ZMYM2: variants seen among roughly 807,000 people sequenced by gnomAD.
ZMYM2 encodes zinc finger MYM-type containing 2.
Under a neutral mutation model 162.8 loss-of-function variants are expected in ZMYM2, and 56 were observed. The ratio of observed to expected loss-of-function variants is 0.34; its 90% CI spans 0.28 to 0.43. ZMYM2 has a LOEUF of 0.43. Ranked by LOEUF, ZMYM2 falls within the 20% of genes least tolerant of loss-of-function variation. ZMYM2 has a pLI of 1.00. For synonymous variants in ZMYM2, 510 were observed against 541.6 expected (o/e 0.94, Z 0.81); for missense variants, 1,275 against 1,621.8 (o/e 0.79, Z 3.67).
intron 12 of ZMYM2, among the ~76,000 whole-genome samples, chr13:20,038,851 A>G (rs1953976366): frequency 6.6e-6 from 1 of 151,922 alleles, no homozygotes; most frequent in African/African-American, 2.4e-5. Context: ...ATAGCATTGA[A>G]TCTGTAAATG....
the ZMYM2 span, among the ~76,000 whole-genome samples, chr13:19,948,388 T>C: frequency 2.6e-5 from 4 of 152,176 alleles, no homozygotes; most frequent in Admixed American, 6.6e-5. Flanking sequence ...TGAACTGTGG[T>C]ACATCCAGGC....
intron 19 of ZMYM2, among the ~76,000 whole-genome samples, chr13:20,065,885 CAATAA>C (rs1286631821): frequency 3.3e-5 from 5 of 152,030 alleles, no homozygotes; most frequent in Non-Finnish European, 7.4e-5. Flanking sequence ...AAAAATAAAA[CAATAA>C]AATAAAAAAG....
At chr13:20,085,699 G>GT (rs1162525906) in intron 24 of ZMYM2, 123 bp from the exon 25 acceptor site, 2 of 673,902 alleles carry the variant, frequency 3.0e-6, no homozygotes, top group Admixed American at 6.2e-5. Flanking sequence ...AATGGAGACA[G>GT]TGGGGCATAG....
intron 2 of ZMYM2, among the ~76,000 whole-genome samples, chr13:19,984,923 T>A (rs1949010858): frequency 6.6e-6 from 1 of 152,200 alleles, no homozygotes; most frequent in African/African-American, 2.4e-5. Flanking sequence ...CAGTTCTAGC[T>A]TTTCTGCCCC....
At position 20,072,299 on chromosome 13, in the gene ZMYM2, C is replaced by T. The variant is rs575283562; in HGVS notation, c.3453+4909C>T. 6.6e-5 allele frequency among the ~76,000 whole-genome samples: 10 copies of T among 152,268 alleles called. No homozygotes were observed. In the South Asian group the frequency reaches 1.0e-3, roughly 16 times the overall value. On this transcript the variant is annotated intron_variant, in intron 21 of 24. Transcript: ENST00000610343. ...CTTTGGGAGGCCAAGGCAGGTGGAT[C>T]GCCTGAGGTTCAGGAGTTCTAGACC...
chr13:19,915,343 C>T, the ZMYM2 span, among the ~76,000 whole-genome samples: 2 of 152,150 alleles, frequency 1.3e-5, no homozygotes, highest in Non-Finnish European at 2.9e-5. Flanking sequence ...GATCTTTGCA[C>T]CTCAGCCTCC....
At chr13:19,930,475 C>T in the ZMYM2 span, among the ~76,000 whole-genome samples, 2 of 151,782 alleles carry the variant, frequency 1.3e-5, no homozygotes, top group Non-Finnish European at 2.9e-5. Flanking sequence ...TTCTGAAGTA[C>T]TTGTGGTTGT....
At chr13:20,047,569 C>T (rs570076905) in intron 12 of ZMYM2, among the ~76,000 whole-genome samples, 1 of 152,114 alleles carries the variant, frequency 6.6e-6, no homozygotes, top group Non-Finnish European at 1.5e-5. Flanking sequence ...AATGGTAGTA[C>T]ACACACATTG....
the ZMYM2 span, among the ~76,000 whole-genome samples, chr13:19,881,713 T>C: frequency 6.6e-6 from 1 of 151,870 alleles, no homozygotes; most frequent in East Asian, 1.9e-4. Flanking sequence ...GGTCAGGCGC[T>C]GTGGCTCATG....
chr13:20,021,062 G>A (rs1020830692), intron 7 of ZMYM2, among the ~76,000 whole-genome samples: 3 of 151,096 alleles, frequency 2.0e-5, no homozygotes, highest in African/African-American at 7.3e-5. Flanking sequence ...TGCAAGCTCT[G>A]CCTTCCAGGT....
chr13:20,078,449 T>C (rs1360574832), intron 21 of ZMYM2, among the ~76,000 whole-genome samples: 1 of 152,246 alleles, frequency 6.6e-6, no homozygotes, highest in East Asian at 1.9e-4. Flanking sequence ...CTCCGAAACA[T>C]TTGACCATAT....
At chr13:20,063,876 TACA>T (rs1956451389) in intron 18 of ZMYM2, among the ~76,000 whole-genome samples, 7 of 144,998 alleles carry the variant, frequency 4.8e-5, no homozygotes, top group Middle Eastern at 3.6e-3. Context: ...TATAAATATA[TACA>T]ATATATAATA....
chr13:20,001,444 A>C (rs1950383541), intron 3 of ZMYM2, among the ~76,000 whole-genome samples: 1 of 152,038 alleles, frequency 6.6e-6, no homozygotes, highest in Non-Finnish European at 1.5e-5. Flanking sequence ...GAATTGCTGC[A>C]ATCTCGTGAT....
chr13:19,986,150 T>C (rs534088226), intron 2 of ZMYM2, among the ~76,000 whole-genome samples: 3 of 152,026 alleles, frequency 2.0e-5, no homozygotes, highest in Non-Finnish European at 4.4e-5. Context: ...TGAGCCTAGA[T>C]CGCACCACTG....
At chr13:20,065,723 C>G (rs1593199586) in intron 19 of ZMYM2, among the ~76,000 whole-genome samples, 2 of 152,250 alleles carry the variant, frequency 1.3e-5, no homozygotes, top group Admixed American at 1.3e-4. Flanking sequence ...CTGCAGTGAG[C>G]TATGATCGTG....
chr13:19,875,733 C>A, the ZMYM2 span, among the ~76,000 whole-genome samples: 1 of 151,040 alleles, frequency 6.6e-6, no homozygotes, highest in East Asian at 1.9e-4. Flanking sequence ...AAACAGAAAA[C>A]CAAATACTGC....
intron 6 of ZMYM2, among the ~76,000 whole-genome samples, chr13:20,009,910 T>A (rs1951036404): frequency 6.6e-6 from 1 of 152,258 alleles, no homozygotes. Context: ...ATCCTGGTTT[T>A]CCATTCTTTT....
chr13:20,066,320 C>T (rs942280199), intron 19 of ZMYM2, among the ~76,000 whole-genome samples: 15 of 152,012 alleles, frequency 9.9e-5, no homozygotes, highest in Non-Finnish European at 1.8e-4. Context: ...CTTTTGACTC[C>T]CTAAAAAGTT....
At chr13:19,971,501 C>A (rs1019546232) in intron 2 of ZMYM2, among the ~76,000 whole-genome samples, 1 of 151,586 alleles carries the variant, frequency 6.6e-6, no homozygotes, top group Non-Finnish European at 1.5e-5. Flanking sequence ...AACTCCTGAT[C>A]TCAGGTGATC....
Sources: allele counts gnomAD v4.1 joint callset (sites outside exome capture counted in the v4.1 genomes callset), GRCh38; gene constraint gnomAD v4.1.1; transcripts MANE v1.5; gene names NCBI Gene and HGNC (gene_info 2026-07-23, HGNC 2026-07-21).